MLIP: variants seen among roughly 807,000 people sequenced by gnomAD.
MLIP encodes muscular LMNA-interacting protein.
MLIP carries 79 observed loss-of-function variants against 84.8 expected under a neutral mutation model. That is an observed-to-expected ratio of 0.93 (90% CI 0.78 to 1.12). The LOEUF (loss-of-function observed/expected upper bound fraction) is 1.12, where lower values mean the gene tolerates loss of function less well. Ranked by LOEUF, MLIP falls within the 50% of genes most tolerant of loss-of-function variation. MLIP has a pLI of 0.00. For missense variants in MLIP, 1,257 were observed against 1,160.6 expected (o/e 1.08, Z -1.21); for synonymous variants, 504 against 463.0 (o/e 1.09, Z -1.14).
rs1487779143 is a variant in MLIP at position 54,053,447 on chromosome 6, T to C, written c.63+34356T>C. On this transcript the variant is annotated intron_variant, in intron 1 of 12. Transcript: ENST00000274897. ...TCTCCTACTTCTCATTCTGGGAAAATGCAATATAAAGTTTAAATTAATAGT... is the reference window on the plus strand; with the variant it reads ...TCTCCTACTTCTCATTCTGGGAAAACGCAATATAAAGTTTAAATTAATAGT... 4.6e-5 allele frequency among the ~76,000 whole-genome samples: 7 copies of C among 152,184 alleles called. No homozygotes were observed. In the South Asian group the frequency reaches 1.0e-3, roughly 23 times the overall value.
At chr6:54,038,597 T>A (rs1257975911) in intron 1 of MLIP, among the ~76,000 whole-genome samples, 1 of 151,870 alleles carries the variant, frequency 6.6e-6, no homozygotes, top group Non-Finnish European at 1.5e-5. Context: ...ATTTTTTCTT[T>A]ATATTTATGA....
chr6:54,254,735 T>TCCTCC (rs141722373), intron 12 of MLIP, among the ~76,000 whole-genome samples: 6,468 of 129,798 alleles, frequency 0.05, 752 homozygotes, highest in African/African-American at 0.2. Flanking sequence ...TCTTTTTTTT[T>TCCTCC]CTCCCTCCCT....
At chr6:54,136,136 G>T (rs960441044) in intron 3 of MLIP, among the ~76,000 whole-genome samples, 1 of 152,138 alleles carries the variant, frequency 6.6e-6, no homozygotes, top group African/African-American at 2.4e-5. Flanking sequence ...TTTGGACTTT[G>T]CTTTCACTCT....
chr6:54,073,504 C>G (rs1766609631), intron 1 of MLIP, among the ~76,000 whole-genome samples: 1 of 152,122 alleles, frequency 6.6e-6, no homozygotes, highest in Non-Finnish European at 1.5e-5. Flanking sequence ...AACGCATGTA[C>G]TTTCATCAAT....
At chr6:54,044,254 T>G (rs1764906254) in intron 1 of MLIP, among the ~76,000 whole-genome samples, 1 of 152,188 alleles carries the variant, frequency 6.6e-6, no homozygotes, top group African/African-American at 2.4e-5. Context: ...ATAATCAATT[T>G]TAAAAGCTGC....
At chr6:54,068,105 C>T (rs1217996934) in intron 1 of MLIP, among the ~76,000 whole-genome samples, 26 of 50,190 alleles carry the variant, frequency 5.2e-4, no homozygotes, top group East Asian at 1.8e-3. Context: ...CTCTCCCTCC[C>T]TCCCTCCTCT....
intron 3 of MLIP, among the ~76,000 whole-genome samples, chr6:54,126,477 A>T (rs933276959): frequency 1.3e-5 from 2 of 151,970 alleles, no homozygotes; most frequent in Non-Finnish European, 2.9e-5. Flanking sequence ...TCATATATTA[A>T]TTGTGGCTGA....
At chr6:54,076,107 G>A (rs1052062411) in intron 1 of MLIP, among the ~76,000 whole-genome samples, 6 of 152,094 alleles carry the variant, frequency 3.9e-5, no homozygotes, top group African/African-American at 1.4e-4. Context: ...GCATCAGTAT[G>A]GTATGTTTCT....
At chr6:54,213,722 A>AC (rs1554185727) in intron 11 of MLIP, among the ~76,000 whole-genome samples, 10,603 of 122,850 alleles carry the variant, frequency 0.086, 1,726 homozygotes, top group East Asian at 0.2. Context: ...AAAAAAAAAA[A>AC]AAAAAAAAAA....
chr6:54,051,283 C>A (rs868628640), intron 1 of MLIP, among the ~76,000 whole-genome samples: 4 of 151,798 alleles, frequency 2.6e-5, no homozygotes, highest in Admixed American at 6.6e-5. Flanking sequence ...TTGTAGAGTG[C>A]TTTTTGAGTG....
intron 1 of MLIP, among the ~76,000 whole-genome samples, chr6:54,074,154 T>C (rs1766650740): frequency 6.6e-6 from 1 of 152,240 alleles, no homozygotes; most frequent in African/African-American, 2.4e-5. Context: ...GAAAATGATG[T>C]GTTTTTTTTG....
intron 3 of MLIP, among the ~76,000 whole-genome samples, chr6:54,127,750 A>G (rs1771045215): frequency 6.6e-6 from 1 of 152,188 alleles, no homozygotes; most frequent in Non-Finnish European, 1.5e-5. Flanking sequence ...TGCTTCCTGA[A>G]GTGGCATGTT....
At chr6:54,254,258 C>A (rs550251184) in intron 12 of MLIP, among the ~76,000 whole-genome samples, 1 of 151,484 alleles carries the variant, frequency 6.6e-6, no homozygotes, top group Non-Finnish European at 1.5e-5. Context: ...TCCTGAGTAG[C>A]TGGGACTGCA....
At chr6:54,187,828 C>A (rs1310540852) in intron 9 of MLIP, among the ~76,000 whole-genome samples, 2 of 152,024 alleles carry the variant, frequency 1.3e-5, no homozygotes, top group Non-Finnish European at 2.9e-5. Flanking sequence ...CATGGTGAAA[C>A]CCCATCTCTA....
At chr6:54,199,239 C>T (rs891965744) in intron 10 of MLIP, among the ~76,000 whole-genome samples, 3 of 152,076 alleles carry the variant, frequency 2.0e-5, no homozygotes, top group African/African-American at 7.2e-5. Context: ...TGTCTCTCTT[C>T]CTCCCTGGAA....
At chr6:54,248,758 G>A (rs191181934) in intron 12 of MLIP, among the ~76,000 whole-genome samples, 28 of 152,136 alleles carry the variant, frequency 1.8e-4, no homozygotes, top group Non-Finnish European at 2.1e-4. Context: ...ACAAAGATCA[G>A]GACAGAAAAT....
intron 12 of MLIP, among the ~76,000 whole-genome samples, chr6:54,231,744 A>G (rs1214370916): frequency 6.6e-6 from 1 of 152,206 alleles, no homozygotes; most frequent in Non-Finnish European, 1.5e-5. Context: ...CATTTATTCT[A>G]CAAGGTATCT....
chr6:54,147,119 T>C (rs1039567961), intron 4 of MLIP, among the ~76,000 whole-genome samples: 7 of 152,190 alleles, frequency 4.6e-5, no homozygotes, highest in African/African-American at 1.4e-4. Flanking sequence ...TACAATTAAC[T>C]ATTCATAAAA....
chr6:54,021,465 A>G (rs1312747919), intron 1 of MLIP, among the ~76,000 whole-genome samples: 2 of 152,186 alleles, frequency 1.3e-5, no homozygotes, highest in Admixed American at 1.3e-4. Context: ...CTAAGGTAAG[A>G]TCTATAGTAA....
Sources: gnomAD v4.1 joint callset for allele counts (sites outside exome capture counted in the v4.1 genomes callset) on GRCh38, gnomAD v4.1.1 for gene constraint, MANE v1.5 for transcripts, NCBI Gene and HGNC (gene_info 2026-07-23, HGNC 2026-07-21) for gene names.